Variants in GPHN observed in about 807,000 individuals in gnomAD.
GPHN encodes gephyrin.
Under a neutral mutation model 95.5 loss-of-function variants are expected in GPHN, and 17 were observed. The ratio of observed to expected loss-of-function variants is 0.18; its 90% CI spans 0.12 to 0.27. GPHN has a LOEUF of 0.27. Ranked by LOEUF, GPHN falls within the 10% of genes least tolerant of loss-of-function variation. GPHN has a pLI of 1.00. For missense variants in GPHN, 660 were observed against 978.1 expected (o/e 0.67, Z 4.34); for synonymous variants, 320 against 322.5 (o/e 0.99, Z 0.08).
intron 2 of GPHN, among the ~76,000 whole-genome samples, chr14:66,719,081 T>G (rs2070480292): frequency 6.6e-6 from 1 of 152,178 alleles, no homozygotes; most frequent in Admixed American, 6.5e-5. Flanking sequence ...CAAGTCTGTT[T>G]CCAGGCAGTG....
chr14:67,559,704 C>T, the GPHN span: 2 of 1,578,438 alleles, frequency 1.3e-6, no homozygotes, highest in Non-Finnish European at 1.7e-6. Flanking sequence ...GGGTTGGAAA[C>T]TCATCTTGGA....
At chr14:66,698,777 A>G (rs898424943) in intron 2 of GPHN, among the ~76,000 whole-genome samples, 3 of 152,202 alleles carry the variant, frequency 2.0e-5, no homozygotes, top group African/African-American at 7.2e-5. Context: ...CAAAATCTGC[A>G]TATACTCAGT....
chr14:66,680,837 T>G (rs2066892567), intron 1 of GPHN, among the ~76,000 whole-genome samples: 2 of 152,140 alleles, frequency 1.3e-5, no homozygotes, highest in Non-Finnish European at 2.9e-5. Context: ...AGAACAACAT[T>G]TAGACCGACA....
the GPHN span, among the ~76,000 whole-genome samples, chr14:67,377,454 C>T: frequency 6.6e-6 from 1 of 152,208 alleles, no homozygotes; most frequent in African/African-American, 2.4e-5. Context: ...CTCCCTGCCT[C>T]TTGGCTGGTA....
chr14:67,692,900 G>T, the GPHN span: 1 of 1,375,190 alleles, frequency 7.3e-7, no homozygotes. Flanking sequence ...TAAAACAGCA[G>T]TAATAGGAGG....
chr14:67,258,870 C>G, the GPHN span, among the ~76,000 whole-genome samples: 1 of 152,066 alleles, frequency 6.6e-6, no homozygotes, highest in Non-Finnish European at 1.5e-5. Context: ...GAGATGGAGT[C>G]TCTCTCTGTT....
chr14:67,012,715 C>T (rs1252134101), intron 9 of GPHN, among the ~76,000 whole-genome samples: 5 of 152,106 alleles, frequency 3.3e-5, no homozygotes, highest in African/African-American at 1.2e-4. Context: ...TTTAGTCTCA[C>T]AATAATTCTA....
At chr14:66,743,143 C>A (rs1311110373) in intron 2 of GPHN, among the ~76,000 whole-genome samples, 1 of 151,840 alleles carries the variant, frequency 6.6e-6, no homozygotes, top group African/African-American at 2.4e-5. Context: ...AGGGTGAGGC[C>A]TCCCTTACAT....
the GPHN span, among the ~76,000 whole-genome samples, chr14:67,403,588 G>C: frequency 6.6e-6 from 1 of 152,218 alleles, no homozygotes; most frequent in Non-Finnish European, 1.5e-5. Flanking sequence ...TGTGTTACAA[G>C]CAACTGAGAA....
chr14:67,426,312 C>G, the GPHN span, among the ~76,000 whole-genome samples: 1 of 152,074 alleles, frequency 6.6e-6, no homozygotes, highest in Non-Finnish European at 1.5e-5. Context: ...GAGCTTCACC[C>G]TTGGGGTTTT....
the GPHN span, among the ~76,000 whole-genome samples, chr14:67,444,705 G>C: frequency 6.6e-6 from 1 of 152,214 alleles, no homozygotes; most frequent in Non-Finnish European, 1.5e-5. Context: ...GGAACTTTCA[G>C]TCCTCTGTCC....
At chr14:67,054,796 C>A (rs1408651789) in intron 10 of GPHN, among the ~76,000 whole-genome samples, 1 of 152,154 alleles carries the variant, frequency 6.6e-6, no homozygotes, top group Admixed American at 6.5e-5. Context: ...ACTAAGACTG[C>A]ACATCTACAG....
At chr14:67,338,680 C>T in the GPHN span, 42 of 1,614,066 alleles carry the variant, frequency 2.6e-5, no homozygotes, top group South Asian at 4.5e-4. Context: ...GGCTCCAACA[C>T]CTCTCCAGCT....
At chr14:67,314,004 C>A in the GPHN span, among the ~76,000 whole-genome samples, 1 of 151,528 alleles carries the variant, frequency 6.6e-6, no homozygotes, top group African/African-American at 2.4e-5. Flanking sequence ...TCTGCCAGAA[C>A]TGCTGTTTCT....
chr14:66,980,194 G>A (rs955218918), intron 9 of GPHN, among the ~76,000 whole-genome samples: 5 of 152,266 alleles, frequency 3.3e-5, no homozygotes, highest in African/African-American at 1.2e-4. Context: ...AATTGGTGAC[G>A]ATAGATTCGC....
chr14:67,336,681 C>G, the GPHN span: 5 of 455,244 alleles, frequency 1.1e-5, no homozygotes, highest in East Asian at 2.1e-4. Flanking sequence ...TTTGACTTGT[C>G]AAAGTCTCAA....
chr14:66,802,062 C>T (rs988092437), intron 3 of GPHN, among the ~76,000 whole-genome samples: 1 of 152,164 alleles, frequency 6.6e-6, no homozygotes, highest in African/African-American at 2.4e-5. Flanking sequence ...CAGCAAGTTC[C>T]CCCAGGCCCT....
At chr14:66,926,878 C>G (rs183622727) in intron 8 of GPHN, among the ~76,000 whole-genome samples, 1 of 152,122 alleles carries the variant, frequency 6.6e-6, no homozygotes, top group Admixed American at 6.5e-5. Flanking sequence ...TCCATGAATA[C>G]GGAATGTCTT....
At chr14:67,468,365 CG>C in the GPHN span, among the ~76,000 whole-genome samples, 3 of 152,262 alleles carry the variant, frequency 2.0e-5, no homozygotes, top group East Asian at 5.8e-4. Flanking sequence ...TTGGTTGTAC[CG>C]GGGCAGTCTA....
Sources: gnomAD v4.1 joint callset for allele counts (sites outside exome capture counted in the v4.1 genomes callset) on GRCh38, gnomAD v4.1.1 for gene constraint, MANE v1.5 for transcripts, NCBI Gene and HGNC (gene_info 2026-07-23, HGNC 2026-07-21) for gene names.